Variants in AGBL1 observed in about 807,000 individuals in gnomAD.
The protein encoded by AGBL1 is AGBL carboxypeptidase 1.
In AGBL1, 130 loss-of-function variants were observed where a neutral mutation model predicts 118.9. The ratio of observed to expected loss-of-function variants is 1.09; its 90% CI spans 0.95 to 1.26. The LOEUF (loss-of-function observed/expected upper bound fraction) is 1.26. Ranked by LOEUF, AGBL1 falls within the 50% of genes most tolerant of loss-of-function variation. The pLI, the probability that AGBL1 is intolerant of heterozygous loss-of-function variation, is 0.00. For synonymous variants in AGBL1, 555 were observed against 478.9 expected, an observed-to-expected ratio of 1.16 and a Z score of -2.08; for missense variants, 1,584 against 1,298.1, an observed-to-expected ratio of 1.22 and a Z score of -3.38.
chr15:86,901,022 T>C (rs1363791962), intron 22 of AGBL1, among the ~76,000 whole-genome samples: 2 of 152,176 alleles, frequency 1.3e-5, no homozygotes, highest in African/African-American at 4.8e-5. Flanking sequence ...TTAATCCCCA[T>C]ATTCTTCATT....
At chr15:86,534,711 A>G (rs977519753) in intron 19 of AGBL1, among the ~76,000 whole-genome samples, 7 of 152,242 alleles carry the variant, frequency 4.6e-5, no homozygotes, top group African/African-American at 1.7e-4. Context: ...CTAAACCAAA[A>G]AATGAACTAT....
At chr15:86,152,222 G>A (rs1480360424) in intron 3 of AGBL1, among the ~76,000 whole-genome samples, 1 of 152,090 alleles carries the variant, frequency 6.6e-6, no homozygotes, top group African/African-American at 2.4e-5. Flanking sequence ...ACAATCCTAA[G>A]CAAAAAGAAT....
At chr15:86,162,340 CT>C (rs982554750) in intron 5 of AGBL1, among the ~76,000 whole-genome samples, 4 of 152,150 alleles carry the variant, frequency 2.6e-5, no homozygotes, top group Non-Finnish European at 5.9e-5. Flanking sequence ...CTCCTCCCTC[CT>C]GTGGAGATTA....
At chr15:86,735,962 A>C (rs1379861491) in intron 22 of AGBL1, among the ~76,000 whole-genome samples, 1 of 152,152 alleles carries the variant, frequency 6.6e-6, no homozygotes, top group African/African-American at 2.4e-5. Context: ...TTGTACAGCA[A>C]ATATTTATGG....
At chr15:86,825,128 T>C (rs2078989374) in intron 22 of AGBL1, among the ~76,000 whole-genome samples, 1 of 151,742 alleles carries the variant, frequency 6.6e-6, no homozygotes, top group Non-Finnish European at 1.5e-5. Flanking sequence ...TACGCAAATA[T>C]ATTCAAAAGT....
chr15:86,859,779 T>C (rs2079535793), intron 22 of AGBL1, among the ~76,000 whole-genome samples: 1 of 152,090 alleles, frequency 6.6e-6, no homozygotes, highest in Non-Finnish European at 1.5e-5. Context: ...GGAAGAAGAA[T>C]ACTCACACCT....
intron 18 of AGBL1, among the ~76,000 whole-genome samples, chr15:86,397,963 TG>T (rs2081392957): frequency 6.6e-6 from 1 of 152,100 alleles, no homozygotes. Context: ...AATCACATGG[TG>T]GGTTAATGAT....
At chr15:86,985,281 G>A (rs977780019) in intron 23 of AGBL1, among the ~76,000 whole-genome samples, 5 of 152,012 alleles carry the variant, frequency 3.3e-5, no homozygotes, top group Non-Finnish European at 5.9e-5. Flanking sequence ...TGGTTCATAT[G>A]GTAGGTTGTG....
intron 24 of AGBL1, among the ~76,000 whole-genome samples, chr15:87,017,374 C>A (rs950149428): frequency 1.3e-5 from 2 of 152,132 alleles, no homozygotes; most frequent in Non-Finnish European, 2.9e-5. Context: ...CCTTTAGATA[C>A]AATTTGGGCT....
intron 19 of AGBL1, among the ~76,000 whole-genome samples, chr15:86,531,993 C>A (rs1287597527): frequency 1.3e-5 from 2 of 151,688 alleles, no homozygotes; most frequent in Admixed American, 6.6e-5. Context: ...GACAAACCCA[C>A]AGCCAATATC....
intron 21 of AGBL1, among the ~76,000 whole-genome samples, chr15:86,604,905 C>G (rs1359893841): frequency 6.6e-6 from 1 of 150,692 alleles, no homozygotes. Context: ...AAACAATTCT[C>G]CTGCCTCAGC....
rs1330399329 is a variant in AGBL1 at position 86,108,993 on chromosome 15, G to C, written c.51+28970G>C. 2.0e-5 allele frequency among the ~76,000 whole-genome samples: 3 copies of C among 152,030 alleles called. No individual in the cohort carries two copies. The East Asian group carries it at 5.8e-4, about 29-fold the overall frequency. Reference sequence around the variant, plus strand: ...CAATCAAACAAACAAAATCAAGGAAGGGGAGCATGTTGAAGTGAGAATATC... The same window carrying C: ...CAATCAAACAAACAAAATCAAGGAACGGGAGCATGTTGAAGTGAGAATATC... On this transcript the variant is annotated intron_variant, in intron 1 of 22. Transcript: ENST00000614907.
chr15:86,127,992 A>G (rs941347472), intron 1 of AGBL1, among the ~76,000 whole-genome samples: 1 of 152,016 alleles, frequency 6.6e-6, no homozygotes, highest in Non-Finnish European at 1.5e-5. Context: ...CTCTTTTTTG[A>G]TTGGGCCATT....
At chr15:86,853,478 A>T (rs1236065454) in intron 22 of AGBL1, among the ~76,000 whole-genome samples, 1 of 152,208 alleles carries the variant, frequency 6.6e-6, no homozygotes, top group Non-Finnish European at 1.5e-5. Context: ...AATTCTACAG[A>T]TGAAGAAATT....
intron 23 of AGBL1, among the ~76,000 whole-genome samples, chr15:86,972,297 G>A (rs1204232761): frequency 1.3e-5 from 2 of 151,838 alleles, no homozygotes; most frequent in African/African-American, 4.8e-5. Context: ...TACAACATTT[G>A]GCATTCCTGA....
At chr15:86,188,674 T>G (rs1489256765) in intron 5 of AGBL1, among the ~76,000 whole-genome samples, 4 of 152,206 alleles carry the variant, frequency 2.6e-5, no homozygotes, top group Admixed American at 2.6e-4. Context: ...CCTCAGAACA[T>G]GCAGAAGCAA....
intron 24 of AGBL1, among the ~76,000 whole-genome samples, chr15:87,002,611 C>T (rs2081452216): frequency 2.0e-5 from 3 of 152,188 alleles, no homozygotes; most frequent in Admixed American, 2.0e-4. Flanking sequence ...TATCCATGAG[C>T]TTGGAATGTT....
chr15:86,644,466 C>T (rs891118975), intron 21 of AGBL1, among the ~76,000 whole-genome samples: 14 of 152,158 alleles, frequency 9.2e-5, no homozygotes, highest in African/African-American at 3.1e-4. Flanking sequence ...GGTCAGCTTC[C>T]TGCTTCTATT....
intron 18 of AGBL1, among the ~76,000 whole-genome samples, chr15:86,449,813 G>A (rs1347653307): frequency 6.6e-6 from 1 of 152,182 alleles, no homozygotes; most frequent in Non-Finnish European, 1.5e-5. Flanking sequence ...TGGAGTGACT[G>A]AGGAACGGCA....
Sources: allele counts gnomAD v4.1 joint callset (sites outside exome capture counted in the v4.1 genomes callset), GRCh38; gene constraint gnomAD v4.1.1; transcripts MANE v1.5; gene names NCBI Gene and HGNC (gene_info 2026-07-23, HGNC 2026-07-21).